The following BLOC1S3 variants were observed in gnomAD, a reference collection of about 807,000 sequenced individuals.
The protein encoded by BLOC1S3 is biogenesis of lysosome-related organelles complex 1 subunit 3.
In BLOC1S3, 7 loss-of-function variants were observed where a neutral mutation model predicts 9.1. The ratio of observed to expected loss-of-function variants is 0.77; its 90% confidence interval spans 0.44 to 1.45. The LOEUF is 1.45. Among genes scored for constraint, BLOC1S3 ranks in the 40% most tolerant of loss-of-function variants. BLOC1S3 has a pLI of 0.01. For missense variants in BLOC1S3, 307 were observed against 315.2 expected, an observed-to-expected ratio of 0.97 and a Z score of 0.20; for synonymous variants, 145 against 158.4, an observed-to-expected ratio of 0.92 and a Z score of 0.64.
intron 2 of BLOC1S3, among the ~76,000 whole-genome samples, chr19:45,192,623 G>C (rs1293859291): frequency 1.3e-5 from 2 of 152,170 alleles, no homozygotes; most frequent in African/African-American, 2.4e-5. Context: ...GGGTCCTTTA[G>C]TCAGCAGGTA....
At chr19:45,216,199 A>C in intron 3 of BLOC1S3, 2 of 1,611,764 alleles carry the variant, frequency 1.2e-6, no homozygotes, top group Non-Finnish European at 1.7e-6. Flanking sequence ...GGACTCCTGC[A>C]GGGGAGGGAG....
rs547471675 is a variant in BLOC1S3 at position 45,211,821 on chromosome 19, C to T, written n.283-4855C>T. ...CAGGGAAAAAAAAAAAAACCACATA[C>T]ACACAAAAAATCCCACAAGTCAGGA... On this transcript the variant is annotated intron_variant and non_coding_transcript_variant, in intron 3 of 3. Transcript: ENST00000591569. Among the ~76,000 whole-genome samples, 38 of 151,698 alleles carry T rather than the reference C, an allele frequency of 2.5e-4. 1 individual carries two copies. The highest frequency in any genetic ancestry group is 5.0e-4 in the Non-Finnish European group (34 of 67,932).
At chr19:45,198,486 G>T (rs138660053) in intron 2 of BLOC1S3, among the ~76,000 whole-genome samples, 2 of 152,102 alleles carry the variant, frequency 1.3e-5, no homozygotes, top group Non-Finnish European at 2.9e-5. Flanking sequence ...TAGAGACAAG[G>T]TTTCGCCATG....
intron 2 of BLOC1S3, among the ~76,000 whole-genome samples, chr19:45,201,291 C>T (rs1364420288): frequency 6.6e-6 from 1 of 151,910 alleles, no homozygotes; most frequent in African/African-American, 2.4e-5. Context: ...CAGGCAGAAA[C>T]TCTTCTCTTC....
rs71173123 is a variant in BLOC1S3, at chr19:45,193,132, C to CAAAAAAAAAA, written n.180+5411_180+5420dup. Among the ~76,000 whole-genome samples, 51 of 77,940 alleles carry CAAAAAAAAAA rather than the reference C, an allele frequency of 6.5e-4. 3 individuals carry two copies. The Middle Eastern group carries it at 0.028, about 43-fold the overall frequency. The allele number at this position is 77,940 out of a possible 152,430, so 51.1% of individuals were successfully genotyped here. On this transcript the variant is annotated intron_variant and non_coding_transcript_variant, in intron 2 of 3. Transcript: ENST00000591569. ...GGGCAACAAGAGCAAAACTCCGTCTCAAAAAAAAAAAAAAAAAAAAAAAAA... is the reference window on the plus strand; with the variant it reads ...GGGCAACAAGAGCAAAACTCCGTCTCAAAAAAAAAAAAAAAAAAAAAAAAAAAAAAAAAAA...
intron 3 of BLOC1S3, among the ~76,000 whole-genome samples, chr19:45,205,913 T>C (rs1347312397): frequency 6.6e-6 from 1 of 152,156 alleles, no homozygotes; most frequent in East Asian, 1.9e-4. Flanking sequence ...CCTCAGTCGT[T>C]AGAGAAACGC....
intron 2 of BLOC1S3, among the ~76,000 whole-genome samples, chr19:45,201,575 C>T (rs912827181): frequency 3.3e-5 from 5 of 152,220 alleles, no homozygotes; most frequent in Admixed American, 6.5e-5. Flanking sequence ...GAGTTCTCTC[C>T]TGGCCCAGGG....
At chr19:45,182,774 TC>T (rs1376167029), downstream of BLOC1S3, among the ~76,000 whole-genome samples, 2 of 152,106 alleles carry the variant, frequency 1.3e-5, no homozygotes, top group Non-Finnish European at 2.9e-5. Flanking sequence ...TGTCTTGACC[TC>T]CCAAAGGGCT....
exon 4 of BLOC1S3, chr19:45,216,931 T>C (rs1465740568): frequency 1.3e-5 from 2 of 149,496 alleles, no homozygotes; most frequent in African/African-American, 4.8e-5. Context: ...TGGGTACAAA[T>C]AAGATCTGGC....
chr19:45,184,217 G>C (rs1300116362), downstream of BLOC1S3, among the ~76,000 whole-genome samples: 1 of 152,168 alleles, frequency 6.6e-6, no homozygotes, highest in Non-Finnish European at 1.5e-5. Flanking sequence ...GCATGGCAGG[G>C]ATGGGAATCT....
intron 2 of BLOC1S3, among the ~76,000 whole-genome samples, chr19:45,192,513 G>T (rs187313429): frequency 6.6e-6 from 1 of 152,122 alleles, no homozygotes; most frequent in Admixed American, 6.6e-5. Flanking sequence ...TAGTCACCAC[G>T]TCAGGGAATA....
At chr19:45,189,870 A>G (rs191011203) in intron 2 of BLOC1S3, among the ~76,000 whole-genome samples, 1 of 151,328 alleles carries the variant, frequency 6.6e-6, no homozygotes, top group African/African-American at 2.4e-5. Context: ...GTCTCTCTCT[A>G]CCTCCTCTTT....
intron 3 of BLOC1S3, among the ~76,000 whole-genome samples, chr19:45,214,635 T>C (rs1969814379): frequency 6.6e-6 from 1 of 151,916 alleles, no homozygotes; most frequent in African/African-American, 2.4e-5. Flanking sequence ...TGGCTAATTT[T>C]TGTATTTTTA....
intron 2 of BLOC1S3, among the ~76,000 whole-genome samples, chr19:45,202,051 G>A (rs373782023): frequency 5.5e-4 from 84 of 151,666 alleles, no homozygotes; most frequent in African/African-American, 1.9e-3. Context: ...GTGAAACCCC[G>A]TCTCTACTAA....
chr19:45,213,211 A>T, intron 3 of BLOC1S3: 1 of 1,611,382 alleles, frequency 6.2e-7, no homozygotes, highest in Non-Finnish European at 8.5e-7. Context: ...GGGCACAGGG[A>T]TGTCTGCAAA....
rs1969819795 is a variant in BLOC1S3, at chr19:45,215,140, C to CA, written n.283-1530dup. ...TGGGCGACAAAGTGAGACTCTGTCT[C>CA]AAAAAACAAAACAAAACAAACAACA... On this transcript the variant is annotated intron_variant and non_coding_transcript_variant, in intron 3 of 3. Transcript: ENST00000591569. Among the ~76,000 whole-genome samples the CA allele has an allele frequency of 1.3e-5, 2 of 151,880 alleles. 1 individual carries two copies. Among genetic ancestry groups the CA allele is most frequent in the South Asian group, 4.2e-4 (2 of 4,818 alleles).
downstream of BLOC1S3, among the ~76,000 whole-genome samples, chr19:45,183,993 G>A (rs1336438016): frequency 1.3e-5 from 2 of 152,134 alleles, no homozygotes; most frequent in African/African-American, 4.8e-5. Context: ...CTGCCTGGGA[G>A]AGTGGCAGCT....
intron 3 of BLOC1S3, among the ~76,000 whole-genome samples, chr19:45,205,296 G>A (rs1969718719): frequency 6.6e-6 from 1 of 151,962 alleles, no homozygotes; most frequent in Non-Finnish European, 1.5e-5. Context: ...CTCCCAAGTA[G>A]CTGGGATTAC....
chr19:45,181,852 T>C (rs75421532), downstream of BLOC1S3: 1 of 166,648 alleles, frequency 6.0e-6, no homozygotes, highest in African/African-American at 2.4e-5. Flanking sequence ...GGTGAGTTGG[T>C]TGATTTCTCT....
Sources: gnomAD v4.1 joint callset for allele counts (sites outside exome capture counted in the v4.1 genomes callset) on GRCh38, gnomAD v4.1.1 for gene constraint, MANE v1.5 for transcripts, NCBI Gene and HGNC (gene_info 2026-07-23, HGNC 2026-07-21) for gene names.